GPM6A: variants seen among roughly 807,000 people sequenced by gnomAD.
GPM6A encodes the protein glycoprotein M6A.
In GPM6A, 7 loss-of-function variants were observed where a neutral mutation model predicts 32.1. The observed-to-expected ratio is 0.22, with a 90% CI of 0.12 to 0.41. GPM6A has a LOEUF of 0.41. Among genes scored for constraint, GPM6A ranks in the 10% least tolerant of loss-of-function variants. The pLI, the probability that GPM6A is intolerant of heterozygous loss-of-function variation, is 1.00. For missense variants in GPM6A, 235 were observed against 347.2 expected (o/e 0.68, Z 2.57); for synonymous variants, 130 against 123.4 (o/e 1.05, Z -0.35).
intron 2 of GPM6A, among the ~76,000 whole-genome samples, chr4:175,680,339 C>T (rs887139564): frequency 1.3e-5 from 2 of 152,072 alleles, no homozygotes; most frequent in Admixed American, 6.6e-5. Flanking sequence ...AATATTAACA[C>T]GTTTATTCTT....
At chr4:175,724,156 G>A (rs1042587356) in intron 1 of GPM6A, among the ~76,000 whole-genome samples, 6 of 152,180 alleles carry the variant, frequency 3.9e-5, no homozygotes, top group African/African-American at 9.7e-5. Flanking sequence ...CATTTGCAAC[G>A]ACATGGATGA....
At chr4:175,729,951 G>GTA (rs199751283) in intron 1 of GPM6A, among the ~76,000 whole-genome samples, 13,554 of 146,456 alleles carry the variant, frequency 0.093, 1,508 homozygotes, top group African/African-American at 0.27. Context: ...ATAAATTTAT[G>GTA]TATATATATA....
intron 1 of GPM6A, among the ~76,000 whole-genome samples, chr4:175,884,003 A>G (rs1207152877): frequency 6.6e-6 from 1 of 152,216 alleles, no homozygotes; most frequent in African/African-American, 2.4e-5. Context: ...AAAAGTTTCA[A>G]TTTCAAAGCC....
chr4:175,817,743 T>C (rs1005647602), intron 1 of GPM6A, among the ~76,000 whole-genome samples: 1 of 152,236 alleles, frequency 6.6e-6, no homozygotes, highest in Non-Finnish European at 1.5e-5. Flanking sequence ...CATACTCTGC[T>C]GAGAACATGT....
upstream of GPM6A, among the ~76,000 whole-genome samples, chr4:175,814,950 C>T (rs1579533651): frequency 1.3e-5 from 2 of 152,260 alleles, no homozygotes; most frequent in South Asian, 2.1e-4. Context: ...ACTCTGTGCC[C>T]ATTAAAAACG....
chr4:175,941,255 A>T (rs913365867), intron 1 of GPM6A, among the ~76,000 whole-genome samples: 3 of 152,190 alleles, frequency 2.0e-5, no homozygotes, highest in African/African-American at 4.8e-5. Flanking sequence ...GTTTTTGGAG[A>T]GAAAAAATTG....
chr4:175,698,636 A>T (rs80182044), intron 2 of GPM6A, among the ~76,000 whole-genome samples: 8,891 of 152,252 alleles, frequency 0.058, 573 homozygotes, highest in East Asian at 0.35. Flanking sequence ...TTCATGAACT[A>T]TTTGTTGGTA....
intron 1 of GPM6A, among the ~76,000 whole-genome samples, chr4:175,762,228 G>GT (rs1441657526): frequency 3.5e-4 from 53 of 152,290 alleles, no homozygotes; most frequent in Middle Eastern, 3.4e-3. Flanking sequence ...AGTTTGCTAA[G>GT]TTTTTAATAT....
intron 1 of GPM6A, among the ~76,000 whole-genome samples, chr4:175,724,201 G>C (rs1028985487): frequency 6.6e-6 from 1 of 152,210 alleles, no homozygotes; most frequent in Non-Finnish European, 1.5e-5. Flanking sequence ...AAATAAGCCA[G>C]GTGCAGAAAG....
intron 1 of GPM6A, among the ~76,000 whole-genome samples, chr4:175,858,447 G>A (rs751187951): frequency 1.2e-4 from 18 of 151,676 alleles, no homozygotes; most frequent in Middle Eastern, 3.4e-3. Context: ...CAGGATAATC[G>A]CTTGAACCCA....
At chr4:175,665,813 T>C (rs1464660838) in intron 3 of GPM6A, among the ~76,000 whole-genome samples, 2 of 151,796 alleles carry the variant, frequency 1.3e-5, no homozygotes, top group Non-Finnish European at 2.9e-5. Flanking sequence ...TAGTAGAATA[T>C]ACATTTTTTC....
At chr4:175,994,665 T>A (rs1160085572) in intron 1 of GPM6A, among the ~76,000 whole-genome samples, 1 of 152,210 alleles carries the variant, frequency 6.6e-6, no homozygotes, top group Non-Finnish European at 1.5e-5. Flanking sequence ...TGCTGACTGA[T>A]CAGGGTGGTG....
chr4:175,635,138 G>C, intron 6 of GPM6A, 81 bp from the exon 7 acceptor site: 1 of 987,418 alleles, frequency 1.0e-6, no homozygotes, highest in East Asian at 2.5e-5. Context: ...AGAAGTCTTC[G>C]AATTATAGCT....
In GPM6A at chr4:175,740,338, G is replaced by A. The variant is rs1000186992; in HGVS notation, c.38-38571C>T. Among the ~76,000 whole-genome samples, 12 of 152,094 alleles carry A rather than the reference G, an allele frequency of 7.9e-5. No homozygotes were observed. The South Asian group carries it at 2.1e-3, about 26-fold the overall frequency. On this transcript the variant is annotated intron_variant, in intron 1 of 6. Coordinates refer to ENST00000393658, the MANE Select transcript of GPM6A (RefSeq NM_201591.3). ...TGGATGATATTTTGGATGATAACTT[G>A]TATTTATTTAAATTTAGGAAGAATC... is the stretch of plus-strand genomic sequence containing the variant.
chr4:175,690,145 G>A (rs184169168), intron 2 of GPM6A, among the ~76,000 whole-genome samples: 1 of 152,278 alleles, frequency 6.6e-6, no homozygotes, highest in African/African-American at 2.4e-5. Context: ...GGGGACAAGG[G>A]CTGGGACATA....
chr4:175,764,093 C>A (rs1732862643), intron 1 of GPM6A, among the ~76,000 whole-genome samples: 1 of 152,112 alleles, frequency 6.6e-6, no homozygotes, highest in Admixed American at 6.5e-5. Flanking sequence ...TGTTATATAA[C>A]CATCACCACT....
At chr4:175,905,184 A>T (rs1486515736) in intron 1 of GPM6A, among the ~76,000 whole-genome samples, 1 of 152,150 alleles carries the variant, frequency 6.6e-6, no homozygotes, top group Non-Finnish European at 1.5e-5. Context: ...GTAAATCTGT[A>T]GGAGAAACTA....
rs1297033597 is a variant in GPM6A, at chr4:175,863,859, G to T, written c.-22-51610C>A. 3.9e-5 allele frequency among the ~76,000 whole-genome samples: 6 copies of T among 152,120 alleles called. 1 individual carries two copies. The South Asian group carries it at 1.0e-3, about 26-fold the overall frequency. ...TCTAGAGAAAATAAAAAATTAGTCAGCTGTGGTGGCAGATGCCTGTAATCC... is the reference window on the plus strand; with the variant it reads ...TCTAGAGAAAATAAAAAATTAGTCATCTGTGGTGGCAGATGCCTGTAATCC... On this transcript the variant is annotated intron_variant, in intron 1 of 7. Coordinates refer to the GPM6A transcript ENST00000280187.
Position 175,801,744 on chromosome 4 carries a change from G to A in GPM6A, c.37+10447C>T, listed in dbSNP as rs540862958. 4.5e-4 allele frequency among the ~76,000 whole-genome samples: 68 copies of A among 152,178 alleles called. 4 individuals carry two copies. The South Asian group carries it at 0.012, about 27-fold the overall frequency. On this transcript the variant is annotated intron_variant, in intron 1 of 6. Transcript: ENST00000393658. ...GACCTCATCATCATTAGGTTACAGT[G>A]GTGTTGCTTTTGCATTACTGCAGAA...
Sources: gnomAD v4.1 joint callset for allele counts (sites outside exome capture counted in the v4.1 genomes callset) on GRCh38, gnomAD v4.1.1 for gene constraint, MANE v1.5 for transcripts, NCBI Gene and HGNC (gene_info 2026-07-23, HGNC 2026-07-21) for gene names.